ACYP2: variants seen among roughly 807,000 people sequenced by gnomAD.
The protein encoded by ACYP2 is acylphosphatase 2.
A neutral mutation model predicts 11.2 loss-of-function variants in ACYP2; 12 were observed. That is an observed-to-expected ratio of 1.08 (90% CI 0.69 to 1.74). The LOEUF is 1.74. Ranked by LOEUF, ACYP2 falls within the 40% of genes most tolerant of loss-of-function variation. ACYP2 has a pLI of 0.00. For synonymous variants in ACYP2, 43 were observed against 32.2 expected, an observed-to-expected ratio of 1.33 and a Z score of -1.13; for missense variants, 134 against 101.9, an observed-to-expected ratio of 1.31 and a Z score of -1.35.
intron 4 of ACYP2, among the ~76,000 whole-genome samples, chr2:54,076,153 C>T (rs942358867): frequency 6.6e-5 from 10 of 152,158 alleles, no homozygotes; most frequent in Admixed American, 2.0e-4. Context: ...AATATTAAAT[C>T]TGGTGGGGAG....
intron 4 of ACYP2, among the ~76,000 whole-genome samples, chr2:54,106,714 G>T (rs763794200): frequency 3.3e-5 from 5 of 152,042 alleles, no homozygotes; most frequent in Admixed American, 1.3e-4. Context: ...CTCCTGAGTA[G>T]CTGGGATTAT....
intron 4 of ACYP2, among the ~76,000 whole-genome samples, chr2:54,106,696 G>T (rs546796357): frequency 1.4e-4 from 21 of 152,230 alleles, no homozygotes; most frequent in African/African-American, 4.3e-4. Flanking sequence ...CGATTCTCCT[G>T]CATCTGCCTC....
At chr2:54,162,454 G>T (rs1446739274) in intron 6 of ACYP2, among the ~76,000 whole-genome samples, 1 of 151,964 alleles carries the variant, frequency 6.6e-6, no homozygotes, top group Non-Finnish European at 1.5e-5. Flanking sequence ...AAAATATGAG[G>T]CCTGTTGTTT....
intron 2 of ACYP2, among the ~76,000 whole-genome samples, chr2:53,982,886 T>C (rs1671843197): frequency 6.8e-6 from 1 of 146,888 alleles, no homozygotes; most frequent in Admixed American, 6.8e-5. Context: ...TATAAATAGG[T>C]TCAGGGAGAA....
intron 2 of ACYP2, among the ~76,000 whole-genome samples, chr2:53,986,957 T>C (rs1672067330): frequency 1.3e-5 from 2 of 152,158 alleles, no homozygotes; most frequent in South Asian, 4.1e-4. Context: ...ATCCAGTCTC[T>C]GATATTCCTT....
At chr2:54,155,218 A>T in intron 6 of ACYP2, among the ~76,000 whole-genome samples, 1 of 149,496 alleles carries the variant, frequency 6.7e-6, no homozygotes, top group Non-Finnish European at 1.5e-5. Context: ...AGGTTTGTCG[A>T]TTTTGTTTAT....
chr2:54,143,279 A>G (rs1171773947), intron 6 of ACYP2: 1 of 152,202 alleles, frequency 6.6e-6, no homozygotes, highest in Non-Finnish European at 1.5e-5. Context: ...AGGTAAATAT[A>G]CTTTATCACA....
intron 6 of ACYP2, among the ~76,000 whole-genome samples, chr2:54,270,173 G>T (rs1688219827): frequency 6.6e-6 from 1 of 151,812 alleles, no homozygotes; most frequent in African/African-American, 2.4e-5. Flanking sequence ...CTTCTTGTGT[G>T]TTTCAATCAT....
At chr2:54,120,949 T>C (rs979652866) in intron 4 of ACYP2, among the ~76,000 whole-genome samples, 3 of 152,062 alleles carry the variant, frequency 2.0e-5, no homozygotes, top group African/African-American at 4.8e-5. Flanking sequence ...GCAGCTTCAG[T>C]GAATGGGAGC....
chr2:54,249,386 G>C (rs961938722), intron 6 of ACYP2, among the ~76,000 whole-genome samples: 1 of 148,354 alleles, frequency 6.7e-6, no homozygotes, highest in African/African-American at 2.5e-5. Context: ...AGTGAGCCAA[G>C]ATCGCGCCAC....
At chr2:54,215,725 G>A (rs1685530868) in intron 6 of ACYP2, among the ~76,000 whole-genome samples, 1 of 152,018 alleles carries the variant, frequency 6.6e-6, no homozygotes, top group Non-Finnish European at 1.5e-5. Flanking sequence ...TCATTTTTCT[G>A]ACTCTCTTTC....
intron 4 of ACYP2, among the ~76,000 whole-genome samples, chr2:54,072,524 T>A (rs1677112833): frequency 6.6e-6 from 1 of 150,994 alleles, no homozygotes; most frequent in Non-Finnish European, 1.5e-5. Flanking sequence ...TCTTTCTTCT[T>A]TCTTTCTTTC....
intron 4 of ACYP2, 36 bp downstream of exon 1, chr2:54,115,792 T>C: frequency 6.4e-7 from 1 of 1,560,032 alleles, no homozygotes; most frequent in Admixed American, 1.9e-5. Context: ...ATCAAAAAGG[T>C]TATGGGAGGA....
chr2:54,004,700 G>A (rs145038784), intron 2 of ACYP2, among the ~76,000 whole-genome samples: 260 of 151,854 alleles, frequency 1.7e-3, no homozygotes, highest in African/African-American at 5.9e-3. Context: ...GTGAGCCACC[G>A]CGCTCAGCCA....
chr2:54,041,411 G>A (rs1028485466), intron 2 of ACYP2, among the ~76,000 whole-genome samples: 6 of 152,184 alleles, frequency 3.9e-5, no homozygotes, highest in South Asian at 2.1e-4. Flanking sequence ...ATGAGGGGAG[G>A]TGAGTAAGTA....
intron 6 of ACYP2, among the ~76,000 whole-genome samples, chr2:54,205,227 G>A (rs1685022407): frequency 6.6e-6 from 1 of 152,130 alleles, no homozygotes; most frequent in African/African-American, 2.4e-5. Flanking sequence ...TGAGGCCATG[G>A]TGGATATTGC....
chr2:54,226,332 G>A (rs1036347418), intron 6 of ACYP2, among the ~76,000 whole-genome samples: 6 of 152,170 alleles, frequency 3.9e-5, no homozygotes, highest in African/African-American at 7.2e-5. Flanking sequence ...GAATTTTTAT[G>A]TGCATTTCGA....
chr2:54,286,024 C>T (rs540446918), intron 6 of ACYP2, among the ~76,000 whole-genome samples: 2 of 152,248 alleles, frequency 1.3e-5, no homozygotes, highest in Admixed American at 1.3e-4. Context: ...GGGTTATGTA[C>T]CAATAAACCC....
intron 4 of ACYP2, among the ~76,000 whole-genome samples, chr2:54,074,730 A>G (rs1677237912): frequency 6.6e-6 from 1 of 152,128 alleles, no homozygotes; most frequent in Non-Finnish European, 1.5e-5. Flanking sequence ...GAGATTGACA[A>G]GTCCAAAATC....
Sources: allele counts gnomAD v4.1 joint callset (sites outside exome capture counted in the v4.1 genomes callset), GRCh38; gene constraint gnomAD v4.1.1; transcripts MANE v1.5; gene names NCBI Gene and HGNC (gene_info 2026-07-23, HGNC 2026-07-21).